The following HMGCLL1 variants were observed in gnomAD, a reference collection of about 807,000 sequenced individuals.
HMGCLL1 encodes the protein 3-hydroxymethyl-3-methylglutaryl-CoA lyase, cytoplasmic.
A neutral mutation model predicts 39.1 loss-of-function variants in HMGCLL1; 36 were observed. That is an observed-to-expected ratio of 0.92 (90% confidence interval 0.71 to 1.22). The LOEUF (loss-of-function observed/expected upper bound fraction) is 1.22. Ranked by LOEUF, HMGCLL1 falls within the 50% of genes most tolerant of loss-of-function variation. The probability of loss-of-function intolerance (pLI) is 0.00; values close to 1 mark genes in which losing one functional copy is unlikely to be tolerated. For missense variants in HMGCLL1, 451 were observed against 416.5 expected (o/e 1.08, Z -0.72); for synonymous variants, 149 against 144.0 (o/e 1.03, Z -0.25).
intron 7 of HMGCLL1, among the ~76,000 whole-genome samples, chr6:55,486,367 C>A (rs1257956349): frequency 6.6e-6 from 1 of 151,982 alleles, no homozygotes; most frequent in Admixed American, 6.6e-5. Flanking sequence ...ATTTGGCAGG[C>A]AGGCCTTCCA....
the HMGCLL1 span, among the ~76,000 whole-genome samples, chr6:55,623,585 C>T: frequency 1.3e-5 from 2 of 150,918 alleles, no homozygotes; most frequent in East Asian, 3.9e-4. Context: ...AATGGAGCAC[C>T]CAGATATACA....
At chr6:55,476,850 A>G (rs552821752) in intron 7 of HMGCLL1, among the ~76,000 whole-genome samples, 6 of 147,292 alleles carry the variant, frequency 4.1e-5, no homozygotes, top group African/African-American at 1.6e-4. Context: ...TCAAGGTTAT[A>G]CTGGACTCAG....
At chr6:55,546,047 T>G (rs1281845946) in intron 1 of HMGCLL1, among the ~76,000 whole-genome samples, 1 of 152,108 alleles carries the variant, frequency 6.6e-6, no homozygotes, top group Non-Finnish European at 1.5e-5. Flanking sequence ...ATACTATCTC[T>G]CTTTCTATGG....
At chr6:55,572,046 A>G (rs1771524201) in intron 1 of HMGCLL1, among the ~76,000 whole-genome samples, 1 of 152,148 alleles carries the variant, frequency 6.6e-6, no homozygotes, top group Non-Finnish European at 1.5e-5. Flanking sequence ...GAATTTTTTC[A>G]AAGAATAGAA....
chr6:55,450,894 ATATGTTAAAGGAACAAGGG>A (rs1561887648), intron 7 of HMGCLL1, among the ~76,000 whole-genome samples: 2 of 152,238 alleles, frequency 1.3e-5, no homozygotes, highest in Non-Finnish European at 2.9e-5. Flanking sequence ...CTTAACAGAG[ATATGTTAAAGGAACAAGGG>A]CCCTGAAGCT....
intron 1 of HMGCLL1, among the ~76,000 whole-genome samples, chr6:55,555,708 C>T (rs970470858): frequency 6.6e-6 from 1 of 152,170 alleles, no homozygotes; most frequent in African/African-American, 2.4e-5. Context: ...CAAGAATTCA[C>T]TATACATGGT....
chr6:55,626,809 G>A, the HMGCLL1 span, among the ~76,000 whole-genome samples: 4 of 151,980 alleles, frequency 2.6e-5, no homozygotes, highest in Non-Finnish European at 5.9e-5. Flanking sequence ...CAGTCAAGAG[G>A]CTAAGAAAGG....
chr6:55,461,239 C>T (rs547138596), intron 7 of HMGCLL1, among the ~76,000 whole-genome samples: 1 of 151,636 alleles, frequency 6.6e-6, no homozygotes, highest in African/African-American at 2.4e-5. Context: ...ATTGTAAGTG[C>T]TTTTTTGAAG....
intron 3 of HMGCLL1, among the ~76,000 whole-genome samples, chr6:55,524,748 T>G (rs1035670994): frequency 3.3e-5 from 5 of 151,898 alleles, no homozygotes; most frequent in Admixed American, 6.6e-5. Context: ...CAAAAGAACC[T>G]GAGGCATATC....
intron 7 of HMGCLL1, among the ~76,000 whole-genome samples, chr6:55,464,140 A>G (rs887923531): frequency 6.6e-6 from 1 of 152,188 alleles, no homozygotes; most frequent in Non-Finnish European, 1.5e-5. Context: ...TTAAATTCCA[A>G]GAGAATTTAA....
chr6:55,477,048 T>C (rs57617963), intron 7 of HMGCLL1, among the ~76,000 whole-genome samples: 5,413 of 119,036 alleles, frequency 0.045, 591 homozygotes, highest in African/African-American at 0.16. Flanking sequence ...GATGGCTGGG[T>C]CAAATGGTAT....
chr6:55,521,885 G>A (rs1269924151), intron 3 of HMGCLL1, among the ~76,000 whole-genome samples: 2 of 152,138 alleles, frequency 1.3e-5, no homozygotes, highest in East Asian at 1.9e-4. Flanking sequence ...TGAAAGCCCC[G>A]ATAGGTGATA....
chr6:55,646,097 G>A, the HMGCLL1 span, among the ~76,000 whole-genome samples: 1 of 151,638 alleles, frequency 6.6e-6, no homozygotes, highest in Non-Finnish European at 1.5e-5. Context: ...TTCAGGTATT[G>A]GATTTATTTA....
At chr6:55,567,743 T>A (rs9475349) in intron 1 of HMGCLL1, among the ~76,000 whole-genome samples, 18,126 of 152,184 alleles carry the variant, frequency 0.12, 1,180 homozygotes, top group East Asian at 0.19. Flanking sequence ...ATAGAAGCTC[T>A]AGGCGTTCTG....
chr6:55,549,248 A>C (rs930272962), intron 1 of HMGCLL1, among the ~76,000 whole-genome samples: 4 of 151,742 alleles, frequency 2.6e-5, no homozygotes, highest in Non-Finnish European at 5.9e-5. Flanking sequence ...TTATATAGAA[A>C]ATTTCTTCTC....
At chr6:55,437,782 G>C (rs1763430264) in intron 8 of HMGCLL1, among the ~76,000 whole-genome samples, 1 of 152,032 alleles carries the variant, frequency 6.6e-6, no homozygotes, top group African/African-American at 2.4e-5. Flanking sequence ...CAAGTCTGGA[G>C]CCAGCGACCA....
the HMGCLL1 span, among the ~76,000 whole-genome samples, chr6:55,611,157 A>G: frequency 6.6e-6 from 1 of 152,102 alleles, no homozygotes; most frequent in Non-Finnish European, 1.5e-5. Context: ...CTTTTGAATG[A>G]CTCCTGTGTA....
chr6:55,576,765 T>C (rs1339849717), intron 1 of HMGCLL1, among the ~76,000 whole-genome samples: 3 of 152,192 alleles, frequency 2.0e-5, no homozygotes, highest in Non-Finnish European at 4.4e-5. Context: ...TAGTTTCTGG[T>C]GTATGGCTCA....
chr6:55,451,481 G>A (rs992728356), intron 7 of HMGCLL1, among the ~76,000 whole-genome samples: 1 of 151,920 alleles, frequency 6.6e-6, no homozygotes, highest in African/African-American at 2.4e-5. Context: ...AAATTAGCCG[G>A]GCACGGTGGT....
Sources: gnomAD v4.1 joint callset for allele counts (sites outside exome capture counted in the v4.1 genomes callset) on GRCh38, gnomAD v4.1.1 for gene constraint, MANE v1.5 for transcripts, NCBI Gene and HGNC (gene_info 2026-07-23, HGNC 2026-07-21) for gene names.